Variants in APBB1 observed in about 807,000 individuals in gnomAD.
APBB1 encodes the protein adaptor protein FE65a2.
A neutral mutation model predicts 78.4 loss-of-function variants in APBB1; 22 were observed. That is an observed-to-expected ratio of 0.28 (90% CI 0.20 to 0.40). The LOEUF is 0.40. Ranked by LOEUF, APBB1 falls within the 10% of genes least tolerant of loss-of-function variation. APBB1 has a pLI of 1.00. For synonymous variants in APBB1, 369 were observed against 372.7 expected (o/e 0.99, Z 0.12); for missense variants, 749 against 932.4 (o/e 0.80, Z 2.56).
intron 1 of APBB1, 142 bp downstream of exon 1, chr11:6,418,843 C>T (rs1849186041): frequency 5.6e-6 from 2 of 357,054 alleles, no homozygotes; most frequent in Non-Finnish European, 1.0e-5. Flanking sequence ...TGCGGGCGCG[C>T]GGTGGAAGGG....
rs528578071 is a variant in APBB1, at chr11:6,401,035, C to G, written c.1626G>C (p.Lys542Asn). The G allele has an allele frequency of 1.2e-6, 2 of 1,614,176 alleles. No homozygotes were observed. The highest frequency in any genetic ancestry group is 2.2e-5 in the South Asian group (2 of 91,084). The change falls in exon 12 of 15, where the codon AAG becomes AAC. Residue 542 changes from lysine to asparagine, a missense_variant. Around this residue, in one of 3 missense-constraint regions of APBB1, gnomAD observed 635 missense variants for 765.0 expected, o/e 0.83. Coordinates refer to ENST00000609360, the MANE Select transcript of APBB1 (RefSeq NM_001164.5). The surrounding 1 kb of genome is among the most constrained non-coding windows in gnomAD (Gnocchi z 4.5). ...CATTCCCCAGGTAATAGACTTGGAA[C>G]TTCTGGACCAACTCATTCTTAGGCG... Reference protein sequence around the residue: ...FPAPKNELVQKFQVYYLGNVP... With the variant: ...FPAPKNELVQNFQVYYLGNVP...
intron 2 of APBB1, chr11:6,404,529 C>A: frequency 6.7e-7 from 1 of 1,492,306 alleles, no homozygotes; most frequent in Non-Finnish European, 9.0e-7. Flanking sequence ...CAAATGTGTG[C>A]AGACACCACA....
Position 6,395,545 on chromosome 11 carries a change from G to A in APBB1, c.2122C>T (p.His708Tyr), listed in dbSNP as rs1277668259. ...GSLKPKRLGA[H>Y]TP ...AGGTGGGGGCTTCTTCATGGGGTAT[G>A]GGCCCCCAGCCGTTTGGGCTTCAGG... The change falls in exon 15 of 15, where the codon CAT (histidine) becomes TAT (tyrosine). Residue 708 changes from histidine (H) to tyrosine (Y), a missense_variant. Transcript: ENST00000609360. This position sits in a 1 kb window ranked among gnomAD's most constrained non-coding sequence, Gnocchi z 5.2. The A allele has an allele frequency of 3.2e-6, 5 of 1,563,682 alleles. No homozygotes were observed. The highest frequency in any genetic ancestry group is 4.3e-6 in the Non-Finnish European group (5 of 1,155,456).
chr11:6,413,128 T>G (rs961635169), intron 1 of APBB1, among the ~76,000 whole-genome samples: 7 of 151,938 alleles, frequency 4.6e-5, no homozygotes, highest in Middle Eastern at 6.8e-3. Flanking sequence ...AGCCCCCGAT[T>G]TCAGTTATTT....
chr11:6,410,866 T>G lies in APBB1; in HGVS notation c.482A>C (p.Glu161Ala). Residue 161 changes from glutamate (E) to alanine (A), a missense_variant, in exon 2 of 15, where the codon GAG becomes GCG. Glu to Ala is a moderately radical substitution (Grantham distance 107). Coordinates refer to ENST00000609360, the MANE Select transcript of APBB1 (RefSeq NM_001164.5). ...EKAAGEAEEE[E>A]EDDDDEEEEE... ...CTCCTCTTCATCATCATCATCCTCC[T>G]CCTCCTCCTCGGCCTCCCCGGCCGC... 1 of 1,613,994 alleles carries G rather than the reference T, an allele frequency of 6.2e-7. No individual in the cohort carries two copies. Among genetic ancestry groups the G allele is most frequent in the South Asian group, 1.1e-5 (1 of 91,088 alleles).
At chr11:6,406,430 A>G (rs1848802683) in intron 2 of APBB1, among the ~76,000 whole-genome samples, 1 of 151,934 alleles carries the variant, frequency 6.6e-6, no homozygotes, top group Non-Finnish European at 1.5e-5. Context: ...CAAAAACATC[A>G]TAACTGGTCT....
intron 1 of APBB1, among the ~76,000 whole-genome samples, chr11:6,413,823 C>T (rs959199626): frequency 8.5e-5 from 13 of 152,254 alleles, no homozygotes; most frequent in African/African-American, 2.9e-4. Flanking sequence ...TGCTATGCTA[C>T]CCACACATCT....
At position 6,403,902 on chromosome 11, in the gene APBB1, C is replaced by A; in HGVS notation, c.722-80G>T. 3 of 1,449,406 alleles carry A rather than the reference C, an allele frequency of 2.1e-6. No homozygotes were observed. The highest frequency in any genetic ancestry group is 2.1e-4 in the Middle Eastern group (1 of 4,820). 89.8% of individuals were successfully genotyped at this position (1,449,406 alleles called of 1,614,324 possible). ...TGCCTATGCCCGGTCCCCTCTGAGA[C>A]CCCATGGTTGAGAAGGGGTGGTGGA... is the stretch of plus-strand genomic sequence containing the variant. On this transcript the variant is annotated intron_variant, in intron 2 of 14. Transcript: ENST00000609360. The surrounding 1 kb of genome is among the most constrained non-coding windows in gnomAD (Gnocchi z 5.3).
chr11:6,396,799 G>A (rs937505763), intron 12 of APBB1, among the ~76,000 whole-genome samples: 6 of 152,252 alleles, frequency 3.9e-5, no homozygotes, highest in African/African-American at 1.4e-4. Flanking sequence ...TCGAGGAATG[G>A]GGACCTGAGC....
intron 1 of APBB1, among the ~76,000 whole-genome samples, chr11:6,415,258 TCA>T (rs1485192596): frequency 6.6e-6 from 1 of 152,110 alleles, no homozygotes; most frequent in Non-Finnish European, 1.5e-5. Flanking sequence ...AAAGAAGTAG[TCA>T]CTAAGCCTGA....
In APBB1 at chr11:6,411,463, C is replaced by CTTAGTGCAGGG; in HGVS notation, c.-14-103_-14-102insCCCTGCACTAA. The CTTAGTGCAGGG allele has an allele frequency of 4.7e-6, 5 of 1,063,910 alleles. No individual in the cohort carries two copies. The highest frequency in any genetic ancestry group is 1.6e-5 in the African/African-American group (1 of 63,036). 65.9% of individuals were successfully genotyped at this position (1,063,910 alleles called of 1,614,324 possible). A position where few individuals can be genotyped will look rare whatever the true frequency, so the allele number is the denominator to read the frequency against. On this transcript the variant is annotated intron_variant, in intron 1 of 14. Transcript: ENST00000609360. The surrounding 1 kb of genome is among the most constrained non-coding windows in gnomAD (Gnocchi z 5.2). ...TGCCCTGTGCCTCCTCATCTCCCTG[C>CTTAGTGCAGGG]ACTAAGCAGGCTAGCACCCATGGCT...
In APBB1 at chr11:6,395,550, C is replaced by G; in HGVS notation, c.2117G>C (p.Gly706Ala). ...GGGGCTTCTTCATGGGGTATGGGCC[C>G]CCAGCCGTTTGGGCTTCAGGGAGCC... ...LWGSLKPKRLGAHTP is the reference protein window; with the variant it reads ...LWGSLKPKRLAAHTP The change falls in exon 15 of 15, where the codon GGG becomes GCG. Residue 706 changes from glycine to alanine, a missense_variant. This residue lies in a region of APBB1 where 96 missense variants were observed against 116.0 expected (regional missense o/e 0.83). Transcript: ENST00000609360. This position sits in a 1 kb window ranked among gnomAD's most constrained non-coding sequence, Gnocchi z 5.2. 1 of 1,567,726 alleles carries G rather than the reference C, an allele frequency of 6.4e-7. No individual in the cohort carries two copies. The highest frequency in any genetic ancestry group is 8.6e-7 in the Non-Finnish European group (1 of 1,157,188).
At position 6,395,515 on chromosome 11, in the gene APBB1, AG is replaced by A; in HGVS notation, c.*18del. The A allele has an allele frequency of 6.5e-7, 1 of 1,526,958 alleles. No individual in the cohort carries two copies. The highest frequency in any genetic ancestry group is 1.3e-5 in the South Asian group (1 of 77,560). 94.6% of individuals were successfully genotyped at this position (1,526,958 alleles called of 1,614,324 possible). A position where few individuals can be genotyped will look rare whatever the true frequency, so the allele number is the denominator to read the frequency against. ...CCTGGGGCCCAACACAAGCAGGTGG[AG>A]GGAAGGTGGGGGCTTCTTCATGGGG... On this transcript the variant is annotated 3_prime_UTR_variant, in exon 15 of 15. Transcript: ENST00000609360. The surrounding 1 kb of genome is among the most constrained non-coding windows in gnomAD (Gnocchi z 5.2).
intron 12 of APBB1, among the ~76,000 whole-genome samples, chr11:6,400,056 T>G (rs1848422286): frequency 6.6e-6 from 1 of 152,248 alleles, no homozygotes; most frequent in African/African-American, 2.4e-5. Flanking sequence ...ACACATTTAT[T>G]TGTGTGATTA....
chr11:6,416,022 C>T (rs1343534957), intron 1 of APBB1, among the ~76,000 whole-genome samples: 1 of 152,110 alleles, frequency 6.6e-6, no homozygotes, highest in Admixed American at 6.6e-5. Context: ...CCTTTCCAAA[C>T]CTGCTTCCAC....
At chr11:6,408,492 A>C (rs888361629) in intron 2 of APBB1, among the ~76,000 whole-genome samples, 1 of 147,326 alleles carries the variant, frequency 6.8e-6, no homozygotes, top group East Asian at 2.0e-4. Flanking sequence ...CTGTCTCTAC[A>C]TTTTTTTTTT....
At chr11:6,406,066 G>C (rs1159334724) in intron 2 of APBB1, among the ~76,000 whole-genome samples, 1 of 152,170 alleles carries the variant, frequency 6.6e-6, no homozygotes, top group African/African-American at 2.4e-5. Flanking sequence ...ATCTGTCCTG[G>C]AAGGGCAGTT....
Position 6,417,585 on chromosome 11 carries a change from T to C in APBB1, c.-15+1400A>G, listed in dbSNP as rs1458185016. On this transcript the variant is annotated intron_variant, in intron 1 of 14. Transcript: ENST00000609360. ...GCATTTTTCAAAGGATTACTCTGGGTACTGTGTTGAGAACAGTTAAAGGGA... is the reference window on the plus strand; with the variant it reads ...GCATTTTTCAAAGGATTACTCTGGGCACTGTGTTGAGAACAGTTAAAGGGA... Among the ~76,000 whole-genome samples the C allele has an allele frequency of 2.0e-5, 3 of 152,232 alleles. No individual in the cohort carries two copies. In the East Asian group the frequency reaches 5.8e-4, roughly 29 times the overall value.
Position 6,402,068 on chromosome 11 carries a change from A to C in APBB1, c.1382+14T>G. On this transcript the variant is annotated intron_variant, in intron 8 of 14. Coordinates refer to ENST00000609360, the MANE Select transcript of APBB1 (RefSeq NM_001164.5). ...GATGAACTCCCACCCTCGAATCCCAAGCCCTATTCCCACCTTCCACTGTCC... is the reference window on the plus strand; with the variant it reads ...GATGAACTCCCACCCTCGAATCCCACGCCCTATTCCCACCTTCCACTGTCC... 6.2e-7 allele frequency: 1 copy of C among 1,613,440 alleles called. No homozygotes were observed. The highest frequency in any genetic ancestry group is 8.5e-7 in the Non-Finnish European group (1 of 1,179,524).
Sources: gnomAD v4.1 joint callset for allele counts (sites outside exome capture counted in the v4.1 genomes callset) on GRCh38, gnomAD v4.1.1 for gene constraint, gnomAD v4.1.1 regional missense constraint, Gnocchi (gnomAD v3.1) non-coding constraint, MANE v1.5 for transcripts, NCBI Gene and HGNC (gene_info 2026-07-23, HGNC 2026-07-21) for gene names.